RPH3AL: variants seen among roughly 807,000 people sequenced by gnomAD.
RPH3AL encodes the protein rabphilin 3A like (without C2 domains).
In RPH3AL, 38 loss-of-function variants were observed where a neutral mutation model predicts 43.1. The ratio of observed to expected loss-of-function variants is 0.88; its 90% confidence interval spans 0.68 to 1.15. The LOEUF (loss-of-function observed/expected upper bound fraction) is 1.15, where lower values mean the gene tolerates loss of function less well. Ranked by LOEUF, RPH3AL falls within the 50% of genes most tolerant of loss-of-function variation. RPH3AL has a pLI of 0.00. For missense variants in RPH3AL, 462 were observed against 423.2 expected (o/e 1.09, Z -0.81); for synonymous variants, 189 against 176.3 (o/e 1.07, Z -0.57).
intron 5 of RPH3AL, among the ~76,000 whole-genome samples, chr17:286,617 T>C (rs2042919355): frequency 6.6e-6 from 1 of 152,216 alleles, no homozygotes; most frequent in Admixed American, 6.5e-5. Context: ...GGTGGTATTT[T>C]TGAAAACCCA....
chr17:304,692 T>C (rs78672666), intron 5 of RPH3AL, among the ~76,000 whole-genome samples: 1 of 152,132 alleles, frequency 6.6e-6, no homozygotes. Flanking sequence ...GCTGGACTCC[T>C]GCAAACCTTG....
chr17:342,192 T>TA (rs1184775125), intron 1 of RPH3AL, among the ~76,000 whole-genome samples: 1 of 152,100 alleles, frequency 6.6e-6, no homozygotes, highest in Admixed American at 6.6e-5. Flanking sequence ...ATGGCTACAC[T>TA]AAAAAATATG....
At chr17:235,454 G>T (rs1440874090) in intron 7 of RPH3AL, among the ~76,000 whole-genome samples, 1 of 139,398 alleles carries the variant, frequency 7.2e-6, no homozygotes, top group Non-Finnish European at 1.6e-5. Flanking sequence ...GGGATGCAGG[G>T]TTCAAAGCTG....
At chr17:280,089 C>T (rs565742580) in intron 6 of RPH3AL, among the ~76,000 whole-genome samples, 13 of 152,176 alleles carry the variant, frequency 8.5e-5, no homozygotes, top group Middle Eastern at 3.4e-3. Flanking sequence ...AGGAAATGTG[C>T]GCAAAAACAA....
intron 6 of RPH3AL, among the ~76,000 whole-genome samples, chr17:268,831 T>C (rs2042385889): frequency 6.6e-6 from 1 of 152,176 alleles, no homozygotes; most frequent in Admixed American, 6.5e-5. Flanking sequence ...CCTGAGTAGC[T>C]GGGACTATAG....
At position 213,380 on chromosome 17, in the gene RPH3AL, G is replaced by A. The variant is rs2040716543; in HGVS notation, c.*472C>T. ...GAGCTGAAGGGAGAGGGAGAGGGTG[G>A]GTGAGTCTCCCCCTCACTGCTCTGG... On this transcript the variant is annotated 3_prime_UTR_variant, in exon 10 of 10. Coordinates refer to ENST00000331302, the MANE Select transcript of RPH3AL (RefSeq NM_006987.4). 1.1e-5 allele frequency: 2 copies of A among 184,002 alleles called. No individual in the cohort carries two copies. Among genetic ancestry groups the A allele is most frequent in the Non-Finnish European group, 2.3e-5 (2 of 86,578 alleles). The allele number at this position is 184,002 out of a possible 1,614,324, so 11.4% of individuals were successfully genotyped here.
At chr17:244,878 C>T (rs368814435) in intron 7 of RPH3AL, among the ~76,000 whole-genome samples, 34 of 151,898 alleles carry the variant, frequency 2.2e-4, no homozygotes, top group East Asian at 2.1e-3. Context: ...CATATGAGTG[C>T]GAGTGTGTGT....
chr17:214,883 C>G (rs1567555762), intron 9 of RPH3AL: 1 of 152,314 alleles, frequency 6.6e-6, no homozygotes, highest in Non-Finnish European at 1.5e-5. Context: ...TCCACACTGT[C>G]CTCTGTGGAG....
In RPH3AL at chr17:245,169, CTG is replaced by C. The variant is rs547915395; in HGVS notation, c.613+1940_613+1941del. On this transcript the variant is annotated intron_variant, in intron 7 of 9. Transcript: ENST00000331302. This position sits in a 1 kb window ranked among gnomAD's most constrained non-coding sequence, Gnocchi z 5.9. The stretch of plus-strand genomic sequence containing the variant: ...GATGTGTGTGTGCACATGGATGTGT[CTG>C]TGTGTACGTGGATGTCTGTGTGTGT... Among the ~76,000 whole-genome samples the C allele has an allele frequency of 8.3e-5, 11 of 132,054 alleles. No homozygotes were observed. The highest frequency in any genetic ancestry group is 6.8e-4 in the Admixed American group (9 of 13,296). 86.6% of individuals were successfully genotyped at this position (132,054 alleles called of 152,430 possible). A position where few individuals can be genotyped will look rare whatever the true frequency, so the allele number is the denominator to read the frequency against.
chr17:313,043 T>A (rs766053522), intron 5 of RPH3AL, among the ~76,000 whole-genome samples: 3 of 152,212 alleles, frequency 2.0e-5, no homozygotes, highest in Non-Finnish European at 2.9e-5. Flanking sequence ...GCTGCCCTCT[T>A]GCTGCTCAGG....
At chr17:330,027 A>C (rs1264770876) in intron 2 of RPH3AL, among the ~76,000 whole-genome samples, 1 of 152,262 alleles carries the variant, frequency 6.6e-6, no homozygotes, top group Non-Finnish European at 1.5e-5. Flanking sequence ...TTATGGAAAC[A>C]CTTTTGACCT....
chr17:245,532 TG>T lies in RPH3AL; in HGVS notation c.613+1578del, dbSNP rs1292673386. Among the ~76,000 whole-genome samples the T allele has an allele frequency of 6.6e-6, 1 of 151,996 alleles. No individual in the cohort carries two copies. Among genetic ancestry groups the T allele is most frequent in the Non-Finnish European group, 1.5e-5 (1 of 67,982 alleles). ...GACGGGGCAGTGGCAGCTCTTGAAG[TG>T]GGGCATAGGCCACAGCTGCCCCCAT... On this transcript the variant is annotated intron_variant, in intron 7 of 9. Transcript: ENST00000331302. This position sits in a 1 kb window ranked among gnomAD's most constrained non-coding sequence, Gnocchi z 5.9.
intron 4 of RPH3AL, among the ~76,000 whole-genome samples, chr17:320,641 C>A (rs530386687): frequency 6.6e-5 from 10 of 151,470 alleles, no homozygotes; most frequent in Non-Finnish European, 1.2e-4. Context: ...CCTGTCCCCC[C>A]CAAAAAAAAA....
chr17:324,950 T>C (rs1194076847), intron 3 of RPH3AL, among the ~76,000 whole-genome samples: 2 of 152,158 alleles, frequency 1.3e-5, no homozygotes, highest in Non-Finnish European at 2.9e-5. Flanking sequence ...TGGTCTCAAA[T>C]GCCTGACCTA....
chr17:276,717 A>T (rs1051123213), intron 6 of RPH3AL, among the ~76,000 whole-genome samples: 1 of 152,154 alleles, frequency 6.6e-6, no homozygotes, highest in Non-Finnish European at 1.5e-5. Flanking sequence ...TAATTAATTA[A>T]TTTTTAAAAA....
intron 7 of RPH3AL, among the ~76,000 whole-genome samples, chr17:221,670 T>A (rs1555530899): frequency 3.3e-5 from 4 of 120,886 alleles, no homozygotes; most frequent in Non-Finnish European, 5.0e-5. Context: ...CCCAAGTGCA[T>A]CAGCTCTGAG....
chr17:218,719 C>T (rs1244189749), intron 8 of RPH3AL, among the ~76,000 whole-genome samples: 1 of 152,206 alleles, frequency 6.6e-6, no homozygotes. Flanking sequence ...AACCCTCTTT[C>T]ATACAGCAGT....
chr17:238,562 G>A (rs2041457642), intron 7 of RPH3AL, among the ~76,000 whole-genome samples: 1 of 152,228 alleles, frequency 6.6e-6, no homozygotes, highest in Non-Finnish European at 1.5e-5. Flanking sequence ...TGGAACTGCA[G>A]CACCCATCTT....
At chr17:330,048 G>A (rs920465849) in intron 2 of RPH3AL, among the ~76,000 whole-genome samples, 28 of 152,202 alleles carry the variant, frequency 1.8e-4, no homozygotes, top group South Asian at 6.2e-4. Flanking sequence ...GTGGATCTCC[G>A]GAGGGTGTTG....
Sources: allele counts gnomAD v4.1 joint callset (sites outside exome capture counted in the v4.1 genomes callset), GRCh38; gene constraint gnomAD v4.1.1; non-coding constraint Gnocchi (gnomAD v3.1); transcripts MANE v1.5; gene names NCBI Gene and HGNC (gene_info 2026-07-23, HGNC 2026-07-21).